Variants in GZMB observed in about 807,000 individuals in gnomAD.
GZMB encodes the protein T-cell serine protease 1-3E.
In GZMB, 27 loss-of-function variants were observed where a neutral mutation model predicts 24.2. The observed-to-expected ratio is 1.12, with a 90% CI of 0.82 to 1.54. The LOEUF is 1.54. GZMB is among the 40% of genes most tolerant of loss of function. The pLI, the probability that GZMB is intolerant of heterozygous loss-of-function variation, is 0.00. For synonymous variants in GZMB, 121 were observed against 115.1 expected (o/e 1.05, Z -0.33); for missense variants, 336 against 310.1 (o/e 1.08, Z -0.63).
In GZMB at chr14:24,631,028, G is replaced by A; in HGVS notation, c.*43C>T. On this transcript the variant is annotated 3_prime_UTR_variant, in exon 5 of 5. Coordinates refer to ENST00000216341, the MANE Select transcript of GZMB (RefSeq NM_004131.6). ...GTGTAAATCTGGACTTGGCTCCAGA[G>A]AAGGTGTTTCATTACAGCGGGGGCT... The A allele has an allele frequency of 1.3e-6, 2 of 1,502,928 alleles. No homozygotes were observed. The highest frequency in any genetic ancestry group is 1.1e-5 in the South Asian group (1 of 88,286). 93.1% of individuals were successfully genotyped at this position (1,502,928 alleles called of 1,614,324 possible).
chr14:24,632,936 G>A lies in GZMB; in HGVS notation c.182C>T (p.Thr61Ile). 6.2e-7 allele frequency: 1 copy of A among 1,613,080 alleles called. No homozygotes were observed. The highest frequency in any genetic ancestry group is 8.5e-7 in the Non-Finnish European group (1 of 1,179,446). Residue 61 changes from threonine to isoleucine, a missense_variant, in exon 2 of 5, where the codon ACA becomes ATA. By Grantham distance (89) the Thr-to-Ile change is moderately conservative. Coordinates refer to ENST00000216341, the MANE Select transcript of GZMB (RefSeq NM_004131.6). Reference sequence around the variant, plus strand: ...TCACCTTCCCCAACAGTGAGCAGCTGTCAGCACGAAGTCGTCTCGTATCAG... The same window carrying A: ...TCACCTTCCCCAACAGTGAGCAGCTATCAGCACGAAGTCGTCTCGTATCAG... ...GFLIRDDFVL[T>I]AAHCWGSSIN... is the part of the protein sequence containing the mutation.
intron 2 of GZMB, 123 bp from the exon 3 acceptor site, chr14:24,632,582 C>T: frequency 2.7e-6 from 4 of 1,488,812 alleles, no homozygotes; most frequent in Non-Finnish European, 3.7e-6. Flanking sequence ...GACAGTCGGT[C>T]CCCAGGAATT....
intron 1 of GZMB, among the ~76,000 whole-genome samples, chr14:24,633,675 A>T (rs2067017961): frequency 6.6e-6 from 1 of 152,182 alleles, no homozygotes; most frequent in South Asian, 2.1e-4. Flanking sequence ...CAAACACATT[A>T]ACAGTGTTCT....
chr14:24,631,274 A>G, intron 4 of GZMB, 60 bp from the exon 5 acceptor site: 5 of 1,495,678 alleles, frequency 3.3e-6, no homozygotes, highest in Non-Finnish European at 4.6e-6. Flanking sequence ...CCTCTCTTCC[A>G]TCTCAAGCCC....
chr14:24,634,149 G>A lies in GZMB; in HGVS notation c.12C>T (p.Ile4=), dbSNP rs184348224. 2.5e-6 allele frequency: 4 copies of A among 1,592,986 alleles called. No homozygotes were observed. The highest frequency in any genetic ancestry group is 3.4e-6 in the Non-Finnish European group (4 of 1,170,820). The change falls in exon 1 of 5, where the codon ATC becomes ATT. Residue 4 remains isoleucine (I), a synonymous_variant. Transcript: ENST00000216341. Reference sequence around the variant, plus strand: ...GCAGGAGGAAGGCCAGCAGAAGCAGGATTGGTTGCATCTTCTCAGGAAGGC... The same window carrying A: ...GCAGGAGGAAGGCCAGCAGAAGCAGAATTGGTTGCATCTTCTCAGGAAGGC... MQP[I]LLLLAFLLLP... is the part of the protein sequence containing the mutation.
chr14:24,631,110 G>C lies in GZMB; in HGVS notation c.705C>G (p.Ser235Arg). Reference protein sequence around the residue: ...MPPRACTKVSSFVHWIKKTMK... With the variant: ...MPPRACTKVSRFVHWIKKTMK... ...TGGTTTTCTTTATCCAGTGTACAAA[G>C]CTTGAGACTTTGGTGCAGGCTCGTG... Residue 235 changes from serine to arginine, a missense_variant, in exon 5 of 5, where the codon AGC becomes AGG. Ser to Arg is a moderately radical substitution (Grantham distance 110). Coordinates refer to ENST00000216341, the MANE Select transcript of GZMB (RefSeq NM_004131.6). 6.2e-7 allele frequency: 1 copy of C among 1,613,370 alleles called. No individual in the cohort carries two copies. The highest frequency in any genetic ancestry group is 8.5e-7 in the Non-Finnish European group (1 of 1,179,310).
chr14:24,633,078 G>T lies in GZMB; in HGVS notation c.56-16C>A. 1 of 1,585,724 alleles carries T rather than the reference G, an allele frequency of 6.3e-7. No homozygotes were observed. The highest frequency in any genetic ancestry group is 8.6e-7 in the Non-Finnish European group (1 of 1,162,980). On this transcript the variant is annotated splice_polypyrimidine_tract_variant and intron_variant, in intron 1 of 4. Transcript: ENST00000216341. ...ATGATCTCCCCTGAAGGAAAAGTCT[G>T]TCTGCTTGTGGGCACCCATGGAATC... is the stretch of plus-strand genomic sequence containing the variant.
chr14:24,630,971 AGG>A lies in GZMB; in HGVS notation c.*98_*99del. 1 of 860,088 alleles carries A rather than the reference AGG, an allele frequency of 1.2e-6. No individual in the cohort carries two copies. The highest frequency in any genetic ancestry group is 1.9e-6 in the Non-Finnish European group (1 of 513,898). 53.3% of individuals were successfully genotyped at this position (860,088 alleles called of 1,614,324 possible). On this transcript the variant is annotated 3_prime_UTR_variant, in exon 5 of 5. Transcript: ENST00000216341. ...AAACCAGCTTTTCCACTCAGCTAAG[AGG>A]TATTTATTCAGTTGCTGGCACCTCT...
At position 24,632,375 on chromosome 14, in the gene GZMB, G is replaced by C; in HGVS notation, c.288C>G (p.Pro96=). The C allele has an allele frequency of 6.2e-7, 1 of 1,612,064 alleles. No homozygotes were observed. Among genetic ancestry groups the C allele is most frequent in the Non-Finnish European group, 8.5e-7 (1 of 1,179,064 alleles). ...QQFIPVKRPI[P]HPAYNPKNFS... is the part of the protein sequence containing the mutation. ...AGTTCTTAGGATTATAGGCTGGATG[G>C]GGGATGGGTCTTTTCACAGGGATAA... The change falls in exon 3 of 5, where the codon CCC becomes CCG. Residue 96 remains proline, a synonymous_variant. Transcript: ENST00000216341.
Position 24,634,090 on chromosome 14 carries a change from G to C in GZMB, c.55+16C>G, listed in dbSNP as rs1241071449. 2.5e-6 allele frequency: 4 copies of C among 1,585,802 alleles called. No homozygotes were observed. The African/African-American group carries it at 5.3e-5, about 21-fold the overall frequency. On this transcript the variant is annotated intron_variant, in intron 1 of 4. Transcript: ENST00000216341. Reference sequence around the variant, plus strand: ...GGGATGGGGTTGGGCCCCCGAGGGTGGAGACGGTCACTCACCTGCATCTGC... The same window carrying C: ...GGGATGGGGTTGGGCCCCCGAGGGTCGAGACGGTCACTCACCTGCATCTGC...
rs1482944107 is a variant in GZMB at position 24,632,916 on chromosome 14, T to A, written c.202A>T (p.Ser68Cys). 1.2e-6 allele frequency: 2 copies of A among 1,610,236 alleles called. No homozygotes were observed. The highest frequency in any genetic ancestry group is 8.5e-7 in the Non-Finnish European group (1 of 1,177,662). Residue 68 changes from serine (S) to cysteine (C), a missense_variant and splice_region_variant, in exon 2 of 5, where the codon AGC (serine) becomes TGC (cysteine). Coordinates refer to ENST00000216341, the MANE Select transcript of GZMB (RefSeq NM_004131.6). The stretch of plus-strand genomic sequence containing the variant: ...TGTGGGCTGTTTTCTGCTCCTCACC[T>A]TCCCCAACAGTGAGCAGCTGTCAGC... ...FVLTAAHCWGSSINVTLGAHN... is the reference protein window; with the variant it reads ...FVLTAAHCWGCSINVTLGAHN...
At chr14:24,631,794 G>T (rs2066996724) in intron 4 of GZMB, 64 bp downstream of exon 4, 4 of 1,372,418 alleles carry the variant, frequency 2.9e-6, no homozygotes, top group Admixed American at 1.7e-5. Flanking sequence ...TGAGTCTCCA[G>T]GTCTCAGATA....
chr14:24,631,926 G>GT lies in GZMB; in HGVS notation c.531dup (p.Arg178ThrfsTer9). ...TCAATGGTACTGTCGTAATAATGGC[G>GT]TAAGTCAGATTCGCACTTTCGATCT... is the stretch of plus-strand genomic sequence containing the variant. On this transcript the variant is annotated frameshift_variant, in exon 4 of 5. Coordinates refer to ENST00000216341, the MANE Select transcript of GZMB (RefSeq NM_004131.6). LOFTEE classifies it high-confidence loss of function. 6.2e-7 allele frequency: 1 copy of GT among 1,613,830 alleles called. No homozygotes were observed. Among genetic ancestry groups the GT allele is most frequent in the Non-Finnish European group, 8.5e-7 (1 of 1,179,682 alleles).
intron 2 of GZMB, chr14:24,632,670 T>A (rs772692927): frequency 1.5e-5 from 13 of 860,744 alleles, no homozygotes; most frequent in Non-Finnish European, 2.3e-5. Context: ...TCAGTTTGTA[T>A]TCTATGCCAA....
intron 4 of GZMB, chr14:24,631,642 T>A: frequency 1.7e-6 from 1 of 593,680 alleles, no homozygotes. Context: ...TGCAAATTCA[T>A]CCTTCCAAAG....
At position 24,632,544 on chromosome 14, in the gene GZMB, AG is replaced by A. The variant is rs1001102790; in HGVS notation, c.204-86del. 1.9e-6 allele frequency: 3 copies of A among 1,593,944 alleles called. No individual in the cohort carries two copies. In the African/African-American group the frequency reaches 4.0e-5, roughly 21 times the overall value. ...GTGAAGAGCAGGTGACAGCTGGGGC[AG>A]GGCTGCAGCTGAGGGGAAATTAAGG... On this transcript the variant is annotated intron_variant, in intron 2 of 4. Transcript: ENST00000216341.
intron 2 of GZMB, 125 bp from the exon 3 acceptor site, chr14:24,632,584 C>T (rs1183034757): frequency 2.7e-6 from 4 of 1,480,866 alleles, no homozygotes. Flanking sequence ...CAGTCGGTCC[C>T]CAGGAATTGG....
At chr14:24,633,407 G>T in intron 1 of GZMB, 2 of 484,612 alleles carry the variant, frequency 4.1e-6, no homozygotes, top group Non-Finnish European at 5.4e-6. Context: ...GCTTTCTAAT[G>T]GCCAGGGTGT....
rs373774586 is a variant in GZMB at position 24,631,201 on chromosome 14, C to T, written c.614G>A (p.Gly205Asp). The part of the protein sequence containing the change: ...KKTSFKGDSG[G>D]PLVCNKVAQG... ...GGCCACCTTGTTACACACAAGAGGGCCTCCAGAGTCCCCCTGTGAATAGAG... is the reference window on the plus strand; with the variant it reads ...GGCCACCTTGTTACACACAAGAGGGTCTCCAGAGTCCCCCTGTGAATAGAG... The change falls in exon 5 of 5, where the codon GGC becomes GAC. Residue 205 changes from glycine to aspartate, a missense_variant. Gly to Asp is a moderately conservative substitution (Grantham distance 94). Transcript: ENST00000216341. 2.5e-6 allele frequency: 4 copies of T among 1,612,836 alleles called. No individual in the cohort carries two copies. The highest frequency in any genetic ancestry group is 2.2e-5 in the East Asian group (1 of 44,888).
Sources: gnomAD v4.1 joint callset for allele counts (sites outside exome capture counted in the v4.1 genomes callset) on GRCh38, gnomAD v4.1.1 for gene constraint, MANE v1.5 for transcripts, NCBI Gene and HGNC (gene_info 2026-07-23, HGNC 2026-07-21) for gene names.